The following STAU1 variants were observed in gnomAD, a reference collection of about 807,000 sequenced individuals.
STAU1 encodes the protein double-stranded RNA-binding protein Staufen homolog 1.
In STAU1, 13 loss-of-function variants were observed where a neutral mutation model predicts 62.9. The observed-to-expected ratio is 0.21, with a 90% CI of 0.13 to 0.33. STAU1 has a LOEUF of 0.33. Ranked by LOEUF, STAU1 falls within the 10% of genes least tolerant of loss-of-function variation. The pLI is 1.00. For synonymous variants in STAU1, 269 were observed against 265.1 expected, an observed-to-expected ratio of 1.01 and a Z score of -0.14; for missense variants, 571 against 712.1, an observed-to-expected ratio of 0.80 and a Z score of 2.25.
At chr20:49,166,648 G>GT (rs1382723838) in intron 2 of STAU1, among the ~76,000 whole-genome samples, 1 of 152,200 alleles carries the variant, frequency 6.6e-6, no homozygotes, top group Admixed American at 6.5e-5. Context: ...TTGGGGCACA[G>GT]TAAGGTTTCT....
chr20:49,149,930 T>C (rs1458185399), intron 5 of STAU1, among the ~76,000 whole-genome samples: 1 of 152,222 alleles, frequency 6.6e-6, no homozygotes, highest in East Asian at 1.9e-4. Context: ...AGCCCACTGT[T>C]CTGTGCAGGA....
In STAU1 at chr20:49,143,670, C is replaced by A. The variant is rs113666981; in HGVS notation, c.511-7739G>T. Reference sequence around the variant, plus strand: ...CCTCACAGTATGCTAGGAAAATTAGCCATCACCATTTATTATCTGGCTCCA... The same window carrying A: ...CCTCACAGTATGCTAGGAAAATTAGACATCACCATTTATTATCTGGCTCCA... On this transcript the variant is annotated intron_variant, in intron 5 of 13. Coordinates refer to ENST00000371856, the MANE Select transcript of STAU1 (RefSeq NM_017453.4). Among the ~76,000 whole-genome samples the A allele has an allele frequency of 4.4e-3, 669 of 152,286 alleles. 6 individuals carry two copies. The highest frequency in any genetic ancestry group is 0.015 in the African/African-American group (630 of 41,542).
chr20:49,190,506 G>C (rs1390913907), upstream of STAU1, among the ~76,000 whole-genome samples: 1 of 152,070 alleles, frequency 6.6e-6, no homozygotes, highest in African/African-American at 2.4e-5. Flanking sequence ...GTCTTACTAA[G>C]TTACTAAGTT....
chr20:49,124,293 T>C (rs959176584), intron 7 of STAU1, 82 bp downstream of exon 7: 2 of 1,454,432 alleles, frequency 1.4e-6, no homozygotes, highest in Non-Finnish European at 1.9e-6. Flanking sequence ...CCCTTTCACC[T>C]TGGGGACAGC....
the STAU1 span, among the ~76,000 whole-genome samples, chr20:49,207,206 A>G: frequency 1.5e-4 from 22 of 151,588 alleles, no homozygotes; most frequent in African/African-American, 5.3e-4. Flanking sequence ...AGCCTAGGCG[A>G]CCGAGTGAGA....
At chr20:49,207,811 C>G in the STAU1 span, among the ~76,000 whole-genome samples, 8 of 152,198 alleles carry the variant, frequency 5.3e-5, no homozygotes, top group South Asian at 4.1e-4. Context: ...TGAGCCACCA[C>G]GCCCGGCTCC....
At chr20:49,212,342 T>G in the STAU1 span, among the ~76,000 whole-genome samples, 1 of 152,156 alleles carries the variant, frequency 6.6e-6, no homozygotes, top group African/African-American at 2.4e-5. Context: ...TGGAGAAATT[T>G]TGTTTATTTT....
chr20:49,197,924 G>A, the STAU1 span, among the ~76,000 whole-genome samples: 1 of 151,964 alleles, frequency 6.6e-6, no homozygotes, highest in Non-Finnish European at 1.5e-5. Context: ...GCTCAGGCTG[G>A]TCTCTAACTC....
At chr20:49,211,297 T>A in the STAU1 span, among the ~76,000 whole-genome samples, 1 of 152,158 alleles carries the variant, frequency 6.6e-6, no homozygotes, top group Non-Finnish European at 1.5e-5. Context: ...TACAAGGATT[T>A]GTTTGAGTCC....
At chr20:49,156,062 G>C (rs79705218) in intron 3 of STAU1, among the ~76,000 whole-genome samples, 1,963 of 152,192 alleles carry the variant, frequency 0.013, 20 homozygotes, top group Middle Eastern at 0.017. Flanking sequence ...GATACTACCT[G>C]CTGGCTTGTA....
At chr20:49,119,251 C>A (rs1439107382) in intron 9 of STAU1, among the ~76,000 whole-genome samples, 3 of 152,158 alleles carry the variant, frequency 2.0e-5, no homozygotes, top group Non-Finnish European at 2.9e-5. Context: ...GTGGCATGAT[C>A]ACAGCTCACT....
chr20:49,114,691 A>T lies in STAU1; in HGVS notation c.*187T>A, dbSNP rs1043357. The stretch of plus-strand genomic sequence containing the variant: ...CCGAGTGGCCATCACAACAAACCCC[A>T]GCACAGTCCAGCCCGGCCACAGCCG... On this transcript the variant is annotated 3_prime_UTR_variant, in exon 14 of 14. Coordinates refer to ENST00000371856, the MANE Select transcript of STAU1 (RefSeq NM_017453.4). 1.1e-5 allele frequency: 7 copies of T among 640,206 alleles called. No homozygotes were observed. The highest frequency in any genetic ancestry group is 5.5e-5 in the East Asian group (2 of 36,406). 39.7% of individuals were successfully genotyped at this position (640,206 alleles called of 1,614,324 possible).
the STAU1 span, among the ~76,000 whole-genome samples, chr20:49,216,227 A>G: frequency 2.2e-5 from 3 of 135,962 alleles, no homozygotes; most frequent in Non-Finnish European, 3.0e-5. Flanking sequence ...CTTATATCTT[A>G]AAAAAAAATC....
intron 5 of STAU1, among the ~76,000 whole-genome samples, chr20:49,140,831 A>G (rs2092990544): frequency 6.6e-6 from 1 of 152,240 alleles, no homozygotes; most frequent in African/African-American, 2.4e-5. Flanking sequence ...AGCAACAAAA[A>G]TGTTTCACAC....
At chr20:49,149,614 C>T (rs1162605998) in intron 5 of STAU1, among the ~76,000 whole-genome samples, 3 of 152,158 alleles carry the variant, frequency 2.0e-5, no homozygotes, top group Non-Finnish European at 4.4e-5. Context: ...ATTACACTAC[C>T]TTTTTGGTGT....
chr20:49,184,462 G>A (rs1371434955), intron 1 of STAU1, among the ~76,000 whole-genome samples: 5 of 152,090 alleles, frequency 3.3e-5, no homozygotes, highest in African/African-American at 1.2e-4. Flanking sequence ...ACAGCTTTGG[G>A]ATGTGGGAGG....
In STAU1 at chr20:49,114,216, T is replaced by C. The variant is rs2092254211; in HGVS notation, c.*662A>G. On this transcript the variant is annotated 3_prime_UTR_variant, in exon 14 of 14. Transcript: ENST00000371856. ...TCAGACAAGTTTCCAAACTGTGCTA[T>C]TTAACTAGATACAATTGAGAAATTC... 1.3e-5 allele frequency: 2 copies of C among 152,622 alleles called. No homozygotes were observed. Among genetic ancestry groups the C allele is most frequent in the African/African-American group, 4.8e-5 (2 of 41,454 alleles). The allele number at this position is 152,622 out of a possible 1,614,324, so 9.5% of individuals were successfully genotyped here.
chr20:49,211,448 C>T, the STAU1 span, among the ~76,000 whole-genome samples: 1 of 150,940 alleles, frequency 6.6e-6, no homozygotes, highest in East Asian at 2.0e-4. Context: ...TAGGCACAAT[C>T]ATAGCACAAT....
chr20:49,192,632 C>T (rs886863883), upstream of STAU1, among the ~76,000 whole-genome samples: 1 of 151,736 alleles, frequency 6.6e-6, no homozygotes, highest in Admixed American at 6.6e-5. Flanking sequence ...CCCAACTCTA[C>T]AAAAAAAGTA....
Sources: allele counts gnomAD v4.1 joint callset (sites outside exome capture counted in the v4.1 genomes callset), GRCh38; gene constraint gnomAD v4.1.1; transcripts MANE v1.5; gene names NCBI Gene and HGNC (gene_info 2026-07-23, HGNC 2026-07-21).